KAT5: variants seen among roughly 807,000 people sequenced by gnomAD.
KAT5 encodes the protein lysine acetyltransferase 5, also known as histone acetyltransferase KAT5.
Under a neutral mutation model 68.1 loss-of-function variants are expected in KAT5, and 31 were observed. The ratio of observed to expected loss-of-function variants is 0.46; its 90% CI spans 0.34 to 0.61. The LOEUF (loss-of-function observed/expected upper bound fraction) is 0.61, where lower values mean the gene tolerates loss of function less well. Ranked by LOEUF, KAT5 falls within the 20% of genes least tolerant of loss-of-function variation. The probability of loss-of-function intolerance (pLI) is 0.01; values close to 1 mark genes in which losing one functional copy is unlikely to be tolerated. For synonymous variants in KAT5, 365 were observed against 292.6 expected (o/e 1.25, Z -2.52); for missense variants, 451 against 725.5 (o/e 0.62, Z 4.35).
At position 65,713,588 on chromosome 11, in the gene KAT5, T is replaced by C; in HGVS notation, c.541-5T>C. 6.2e-7 allele frequency: 1 copy of C among 1,614,174 alleles called. No homozygotes were observed. The highest frequency in any genetic ancestry group is 8.5e-7 in the Non-Finnish European group (1 of 1,180,012). On this transcript the variant is annotated splice_polypyrimidine_tract_variant and splice_region_variant and intron_variant, in intron 4 of 12. Transcript: ENST00000341318. ...TGACCCACCTTTGTTGGTTTCTCTC[T>C]GCAGAAACGGAAGGTGGAGGTGGTT...
At position 65,714,835 on chromosome 11, in the gene KAT5, A is replaced by G. The variant is rs546757404; in HGVS notation, c.954A>G (p.Leu318=). 2 of 1,614,186 alleles carry G rather than the reference A, an allele frequency of 1.2e-6. No individual in the cohort carries two copies. Among genetic ancestry groups the G allele is most frequent in the Admixed American group, 3.3e-5 (2 of 60,024 alleles). The change falls in exon 8 of 13, where the codon CTA becomes CTG. Residue 318 remains leucine, a synonymous_variant. Transcript: ENST00000341318. ...CLQRHLTKCD[L]RHPPGNEIYR... ...CTCTTCCCCAGACCAAGTGTGACCT[A>G]CGACATCCTCCAGGCAATGAGATTT...
chr11:65,714,542 T>G lies in KAT5; in HGVS notation c.738T>G (p.Thr246=). 1 of 1,614,158 alleles carries G rather than the reference T, an allele frequency of 6.2e-7. No homozygotes were observed. Among genetic ancestry groups the G allele is most frequent in the Non-Finnish European group, 8.5e-7 (1 of 1,180,032 alleles). ...GAATACCGTCAGCACCACGCATGACTGGCAGCCTGGTGTCTGATCGAAGCC... is the reference window on the plus strand; with the variant it reads ...GAATACCGTCAGCACCACGCATGACGGGCAGCCTGGTGTCTGATCGAAGCC... The part of the protein sequence containing the change: ...SDGIPSAPRM[T]GSLVSDRSHD... Residue 246 remains threonine (T), a synonymous_variant, in exon 7 of 13, where the codon ACT becomes ACG. Coordinates refer to ENST00000341318, the MANE Select transcript of KAT5 (RefSeq NM_182710.3).
intron 10 of KAT5, chr11:65,718,243 A>G: frequency 4.5e-6 from 1 of 222,290 alleles, no homozygotes; most frequent in Admixed American, 5.1e-5. Context: ...ATGGCTAGAC[A>G]CAGAGCCCGG....
chr11:65,719,481 G>T lies in KAT5; in HGVS notation c.*300G>T. 2 of 609,592 alleles carry T rather than the reference G, an allele frequency of 3.3e-6. No individual in the cohort carries two copies. The highest frequency in any genetic ancestry group is 5.8e-6 in the Non-Finnish European group (2 of 346,080). The allele number at this position is 609,592 out of a possible 1,614,324, so 37.8% of individuals were successfully genotyped here. ...CCGGATGGGGGAGCTCTGTACAGAG[G>T]GCTGGTGATTGTAAAAATTTCTTTT... On this transcript the variant is annotated 3_prime_UTR_variant, in exon 13 of 13. Coordinates refer to ENST00000341318, the MANE Select transcript of KAT5 (RefSeq NM_182710.3).
Position 65,719,496 on chromosome 11 carries a change from A to G in KAT5, c.*315A>G, listed in dbSNP as rs533998697. The stretch of plus-strand genomic sequence containing the variant: ...CTGTACAGAGGGCTGGTGATTGTAA[A>G]AATTTCTTTTGTAAAGTAGAAGTTG... On this transcript the variant is annotated 3_prime_UTR_variant, in exon 13 of 13. Coordinates refer to ENST00000341318, the MANE Select transcript of KAT5 (RefSeq NM_182710.3). The G allele has an allele frequency of 4.0e-4, 241 of 610,030 alleles. No homozygotes were observed. Among genetic ancestry groups the G allele is most frequent in the East Asian group, 1.6e-4 (6 of 36,472 alleles). 37.8% of individuals were successfully genotyped at this position (610,030 alleles called of 1,614,324 possible).
At position 65,718,877 on chromosome 11, in the gene KAT5, A is replaced by G; in HGVS notation, c.1429A>G (p.Ile477Val). 2 of 1,614,160 alleles carry G rather than the reference A, an allele frequency of 1.2e-6. No homozygotes were observed. The highest frequency in any genetic ancestry group is 8.5e-7 in the Non-Finnish European group (1 of 1,180,026). The change falls in exon 12 of 13, where the codon ATT becomes GTT. Residue 477 changes from isoleucine (I) to valine (V), a missense_variant. Ile to Val is a conservative substitution (Grantham distance 29). Coordinates refer to ENST00000341318, the MANE Select transcript of KAT5 (RefSeq NM_182710.3). ...CTGACCTGTGCTCTCCCACAGTGAG[A>G]TTAGTGAAATCACCAGCATCAAGAA... ...GERPQITINE[I>V]SEITSIKKED...
At chr11:65,718,824 T>C (rs376685881) in intron 11 of KAT5, 49 bp from the exon 12 acceptor site, 85 of 1,613,392 alleles carry the variant, frequency 5.3e-5, no homozygotes, top group East Asian at 5.1e-4. Context: ...TCAGGGCTCC[T>C]GGGGACAGAT....
rs1303911854 is a variant in KAT5, at chr11:65,719,424, G to A, written c.*243G>A. Reference sequence around the variant, plus strand: ...CCTCCTCTGAAGCAGGGACCAGAGGGAGCCAGGCAGCTGTGTACAGTGAGA... The same window carrying A: ...CCTCCTCTGAAGCAGGGACCAGAGGAAGCCAGGCAGCTGTGTACAGTGAGA... On this transcript the variant is annotated 3_prime_UTR_variant, in exon 13 of 13. Transcript: ENST00000341318. 3 of 608,064 alleles carry A rather than the reference G, an allele frequency of 4.9e-6. No homozygotes were observed. Among genetic ancestry groups the A allele is most frequent in the African/African-American group, 1.9e-5 (1 of 53,964 alleles). 37.7% of individuals were successfully genotyped at this position (608,064 alleles called of 1,614,324 possible).
At position 65,714,918 on chromosome 11, in the gene KAT5, C is replaced by T. The variant is rs780148798; in HGVS notation, c.1029+8C>T. The stretch of plus-strand genomic sequence containing the variant: ...GATGGACGTAAGAACAAGGTTAGTG[C>T]TTGAGAGGCAGTGAGGCGCTGGGGT... On this transcript the variant is annotated splice_region_variant and intron_variant, in intron 8 of 12. Transcript: ENST00000341318. 1.2e-6 allele frequency: 2 copies of T among 1,611,634 alleles called. No homozygotes were observed. The highest frequency in any genetic ancestry group is 1.7e-6 in the Non-Finnish European group (2 of 1,177,668).
chr11:65,712,673 A>T, intron 1 of KAT5, 93 bp from the exon 2 acceptor site: 6 of 1,468,000 alleles, frequency 4.1e-6, no homozygotes, highest in Non-Finnish European at 5.7e-6. Flanking sequence ...GCTGGAGCTT[A>T]GGGATCCGGC....
At position 65,718,677 on chromosome 11, in the gene KAT5, G is replaced by A. The variant is rs752411616; in HGVS notation, c.1352G>A (p.Trp451Ter). 6.2e-7 allele frequency: 1 copy of A among 1,614,190 alleles called. No individual in the cohort carries two copies. Among genetic ancestry groups the A allele is most frequent in the South Asian group, 1.1e-5 (1 of 91,082 alleles). Residue 451 changes from tryptophan (W) to a stop codon, truncating the protein, a stop_gained, in exon 11 of 13, where the codon TGG becomes TAG. Transcript: ENST00000341318. LOFTEE classifies it high-confidence loss of function. ...DLGLLSYRSYWSQTILEILMG... is the reference protein window; with the variant it reads ...DLGLLSYRSY ...GGCCTCCTATCCTATCGAAGCTACT[G>A]GTCCCAGACCATCCTGGAGATCCTG...
At position 65,713,780 on chromosome 11, in the gene KAT5, G is replaced by A. The variant is rs1192291575; in HGVS notation, c.622G>A (p.Ala208Thr). The change falls in exon 6 of 13, where the codon GCC becomes ACC. Residue 208 changes from alanine (A) to threonine (T), a missense_variant. By Grantham distance (58) the Ala-to-Thr change is moderately conservative (BLOSUM62 0). Transcript: ENST00000341318. Reference sequence around the variant, plus strand: ...TTTCCTACTATCTCGGCAGAATGGAGCCGCCCGTAGGGCAGTGGCAGCCCA... The same window carrying A: ...TTTCCTACTATCTCGGCAGAATGGAACCGCCCGTAGGGCAGTGGCAGCCCA... ...APASVFPQNG[A>T]ARRAVAAQPG... 6.2e-7 allele frequency: 1 copy of A among 1,611,670 alleles called. No individual in the cohort carries two copies. The highest frequency in any genetic ancestry group is 1.7e-5 in the Admixed American group (1 of 59,500).
chr11:65,715,156 G>T, intron 8 of KAT5: 1 of 522,554 alleles, frequency 1.9e-6, no homozygotes, highest in South Asian at 2.1e-5. Flanking sequence ...GAAACAGAGG[G>T]TAGGTTAGCA....
At chr11:65,712,684 C>G (rs1857062571) in intron 1 of KAT5, 82 bp from the exon 2 acceptor site, 2 of 1,518,282 alleles carry the variant, frequency 1.3e-6, no homozygotes, top group African/African-American at 2.7e-5. Context: ...GGGATCCGGC[C>G]TGGGGGTGGA....
upstream of KAT5, chr11:65,712,033 T>C (rs528656237): frequency 1.6e-3 from 658 of 404,862 alleles, 1 homozygote; most frequent in Non-Finnish European, 2.5e-3. Flanking sequence ...ACGGACTCAG[T>C]AGACCGCCAC....
chr11:65,716,558 C>T (rs1378335965), intron 8 of KAT5, 109 bp from the exon 9 acceptor site: 2 of 1,066,042 alleles, frequency 1.9e-6, no homozygotes, highest in Non-Finnish European at 2.8e-6. Context: ...CACTCATCAC[C>T]TAGCAGCCTG....
intron 6 of KAT5, 179 bp downstream of exon 6, chr11:65,714,027 G>A (rs575782243): frequency 3.2e-6 from 2 of 632,594 alleles, no homozygotes; most frequent in East Asian, 2.8e-5. Context: ...GGGCACCATG[G>A]CTCATACCTG....
intron 8 of KAT5, 96 bp from the exon 9 acceptor site, chr11:65,716,571 G>A: frequency 8.4e-7 from 1 of 1,193,446 alleles, no homozygotes; most frequent in African/African-American, 1.5e-5. Context: ...GCAGCCTGGG[G>A]CATAGCACGA....
chr11:65,718,274 G>A, intron 10 of KAT5: 1 of 262,548 alleles, frequency 3.8e-6, no homozygotes, highest in Non-Finnish European at 7.3e-6. Flanking sequence ...GAAAATTGGA[G>A]GCCCCTTCTT....
Sources: allele counts gnomAD v4.1 joint callset, GRCh38; gene constraint gnomAD v4.1.1; transcripts MANE v1.5; gene names NCBI Gene and HGNC (gene_info 2026-07-23, HGNC 2026-07-21).